NISCH: variants seen among roughly 807,000 people sequenced by gnomAD.
NISCH encodes nischarin, also known as I-1 receptor candidate protein.
NISCH carries 55 observed loss-of-function variants against 138.4 expected under a neutral mutation model. The ratio of observed to expected loss-of-function variants is 0.40; its 90% CI spans 0.32 to 0.50. The LOEUF is 0.50. Ranked by LOEUF, NISCH falls within the 20% of genes least tolerant of loss-of-function variation. The pLI, the probability that NISCH is intolerant of heterozygous loss-of-function variation, is 0.71. For synonymous variants in NISCH, 860 were observed against 861.5 expected, an observed-to-expected ratio of 1.00 and a Z score of 0.03; for missense variants, 1,643 against 2,005.5, an observed-to-expected ratio of 0.82 and a Z score of 3.45.
chr3:52,474,731 C>T (rs539468780), intron 7 of NISCH, among the ~76,000 whole-genome samples: 10 of 152,274 alleles, frequency 6.6e-5, no homozygotes, highest in African/African-American at 1.7e-4. Flanking sequence ...TTCAGCCGGC[C>T]GTCATTGGTT....
intron 14 of NISCH, 70 bp from the exon 15 acceptor site, chr3:52,485,708 T>C (rs1367659513): frequency 1.3e-6 from 2 of 1,518,492 alleles, no homozygotes; most frequent in Non-Finnish European, 1.8e-6. Flanking sequence ...CAGCTCAGGG[T>C]CTGGCAACCA....
chr3:52,459,270 C>T (rs917819844), intron 3 of NISCH, among the ~76,000 whole-genome samples: 22 of 152,128 alleles, frequency 1.4e-4, no homozygotes, highest in African/African-American at 5.1e-4. Context: ...TCAGGGTCCG[C>T]GCTGCCAGGG....
intron 13 of NISCH, 51 bp from the exon 14 acceptor site, chr3:52,484,462 T>TGGGCCCCCCCCCCCCCCCCCCCC: frequency 1.3e-6 from 1 of 788,670 alleles, no homozygotes; most frequent in Non-Finnish European, 1.8e-6. Context: ...ACAGCCGCTC[T>TGGGCCCCCCCCCCCCCCCCCCCC]CCCCGCCCCA....
chr3:52,485,726 G>C, intron 14 of NISCH, 52 bp from the exon 15 acceptor site: 1 of 1,548,656 alleles, frequency 6.5e-7, no homozygotes, highest in South Asian at 1.2e-5. Context: ...CCAGTAAATG[G>C]CTGGGGCTGG....
Position 52,457,886 on chromosome 3 carries a change from T to C in NISCH, c.137T>C (p.Val46Ala). Residue 46 changes from valine to alanine, a missense_variant, in exon 2 of 21, where the codon GTA (valine) becomes GCA (alanine). Coordinates refer to ENST00000345716, the MANE Select transcript of NISCH (RefSeq NM_007184.4). Reference protein sequence around the residue: ...QVTDGSHEWTVKHRYSDFHDL... With the variant: ...QVTDGSHEWTAKHRYSDFHDL... ...ACTGATGGCAGCCATGAGTGGACAG[T>C]AAAGCACCGCTACAGCGACTTCCAT... is the stretch of plus-strand genomic sequence containing the variant. 1.2e-6 allele frequency: 2 copies of C among 1,612,220 alleles called. No homozygotes were observed. The highest frequency in any genetic ancestry group is 1.7e-6 in the Non-Finnish European group (2 of 1,178,396).
chr3:52,485,732 G>A (rs761109079), intron 14 of NISCH, 46 bp from the exon 15 acceptor site: 6 of 1,552,914 alleles, frequency 3.9e-6, no homozygotes, highest in Non-Finnish European at 5.2e-6. Flanking sequence ...AATGGCTGGG[G>A]CTGGCTGCAG....
At chr3:52,480,884 C>T (rs1479460711) in intron 13 of NISCH, 2 of 1,535,078 alleles carry the variant, frequency 1.3e-6, no homozygotes, top group Admixed American at 2.0e-5. Context: ...CCCAGGCATC[C>T]TCGGAGATGA....
chr3:52,479,778 G>A lies in NISCH; in HGVS notation c.1332G>A (p.Glu444=), dbSNP rs1043755114. 3.1e-6 allele frequency: 5 copies of A among 1,613,762 alleles called. No individual in the cohort carries two copies. In the African/African-American group the frequency reaches 5.3e-5, roughly 17 times the overall value. Residue 444 remains glutamate, a synonymous_variant, in exon 12 of 21, where the codon GAG becomes GAA. Coordinates refer to ENST00000345716, the MANE Select transcript of NISCH (RefSeq NM_007184.4). ...GTCTGGATGACACAGTGACCACAGA[G>A]AAGGAGCTGGACACTGTGGAAGTGC... ...EVCLDDTVTT[E]KELDTVEVLK...
chr3:52,474,708 A>G (rs912264251), intron 7 of NISCH, among the ~76,000 whole-genome samples: 1 of 152,240 alleles, frequency 6.6e-6, no homozygotes, highest in African/African-American at 2.4e-5. Flanking sequence ...CTGGGATTAC[A>G]GGCATGAGCC....
At chr3:52,483,972 T>C (rs1578305957) in intron 13 of NISCH, among the ~76,000 whole-genome samples, 1 of 152,254 alleles carries the variant, frequency 6.6e-6, no homozygotes, top group Admixed American at 6.5e-5. Flanking sequence ...CACTTGTCTC[T>C]TGTTTCAGCT....
Position 52,488,385 on chromosome 3 carries a change from G to A in NISCH, c.2893G>A (p.Ala965Thr), listed in dbSNP as rs138562238. 18 of 1,613,648 alleles carry A rather than the reference G, an allele frequency of 1.1e-5. No individual in the cohort carries two copies. The highest frequency in any genetic ancestry group is 1.6e-4 in the Middle Eastern group (1 of 6,084). The change falls in exon 16 of 21, where the codon GCC (alanine) becomes ACC (threonine). Residue 965 changes from alanine (A) to threonine (T), a missense_variant. Physicochemically the swap from Ala to Thr is moderately conservative, Grantham distance 58. Coordinates refer to ENST00000345716, the MANE Select transcript of NISCH (RefSeq NM_007184.4). ...ACGCAGCTGTACCCAGCCTCGGGGC[G>A]CCTTTGCTGATGGCCACGTGCTAGA... ...PTRSCTQPRG[A>T]FADGHVLELL...
chr3:52,478,570 C>T lies in NISCH; in HGVS notation c.1295C>T (p.Ala432Val), dbSNP rs1052589614. The change falls in exon 11 of 21, where the codon GCC becomes GTC. Residue 432 changes from alanine (A) to valine (V), a missense_variant. Physicochemically the swap from Ala to Val is moderately conservative, Grantham distance 64. Transcript: ENST00000345716. The stretch of plus-strand genomic sequence containing the variant: ...GTGCTGGCTCAGTTCGGAGAGAGGG[C>T]CTCAGAGGTGAGCCCCAGCACAGTC... ...TKVLAQFGER[A>V]SEVCLDDTVT... 8.1e-6 allele frequency: 13 copies of T among 1,614,084 alleles called. No individual in the cohort carries two copies. Among genetic ancestry groups the T allele is most frequent in the Non-Finnish European group, 9.3e-6 (11 of 1,179,962 alleles).
intron 7 of NISCH, chr3:52,475,687 T>G (rs1005293539): frequency 6.6e-6 from 1 of 151,742 alleles, no homozygotes; most frequent in Non-Finnish European, 1.5e-5. Flanking sequence ...AGAAAAAAAT[T>G]TTTTAATTAG....
chr3:52,458,748 G>A lies in NISCH; in HGVS notation c.264G>A (p.Arg88=). 6.2e-7 allele frequency: 1 copy of A among 1,613,972 alleles called. No individual in the cohort carries two copies. The highest frequency in any genetic ancestry group is 8.5e-7 in the Non-Finnish European group (1 of 1,180,024). The part of the protein sequence containing the change: ...GKNSRSLVEK[R]EKDLEVYLQK... ...ACTCAAGAAGCTTGGTGGAGAAGAG[G>A]GAGAAGGATCTGGAGGTCTACCTCC... The change falls in exon 3 of 21, where the codon AGG becomes AGA. Residue 88 remains arginine (R), a synonymous_variant. Coordinates refer to ENST00000345716, the MANE Select transcript of NISCH (RefSeq NM_007184.4).
In NISCH at chr3:52,457,860, C is replaced by T. The variant is rs764746393; in HGVS notation, c.111C>T (p.Val37=). 2 of 1,611,886 alleles carry T rather than the reference C, an allele frequency of 1.2e-6. No homozygotes were observed. Among genetic ancestry groups the T allele is most frequent in the South Asian group, 2.2e-5 (2 of 91,012 alleles). ...VDTYTVYIIQ[V]TDGSHEWTVK... Reference sequence around the variant, plus strand: ...CCTTTTAGGTTTACATCATCCAGGTCACTGATGGCAGCCATGAGTGGACAG... The same window carrying T: ...CCTTTTAGGTTTACATCATCCAGGTTACTGATGGCAGCCATGAGTGGACAG... Residue 37 remains valine (V), a synonymous_variant, in exon 2 of 21, where the codon GTC becomes GTT. Transcript: ENST00000345716.
chr3:52,472,661 T>C (rs138463482), intron 6 of NISCH, among the ~76,000 whole-genome samples: 2 of 152,192 alleles, frequency 1.3e-5, no homozygotes, highest in Non-Finnish European at 2.9e-5. Context: ...TGGCTCATTC[T>C]AGGACTCCTC....
chr3:52,481,808 G>A (rs1707283399), intron 13 of NISCH: 2 of 985,522 alleles, frequency 2.0e-6, no homozygotes, highest in Non-Finnish European at 2.4e-6. Flanking sequence ...GTGCCCTGGG[G>A]ACACTCTGCA....
chr3:52,480,054 T>TA (rs1707223509), intron 12 of NISCH, 130 bp from the exon 13 acceptor site: 1 of 1,102,700 alleles, frequency 9.1e-7, no homozygotes, highest in Non-Finnish European at 1.4e-6. Context: ...GTTCCTGCTC[T>TA]AAGGATATGA....
intron 3 of NISCH, among the ~76,000 whole-genome samples, chr3:52,459,916 C>T (rs1274109677): frequency 2.0e-5 from 3 of 150,842 alleles, no homozygotes; most frequent in Admixed American, 6.6e-5. Flanking sequence ...TGCAGTGGCT[C>T]ATGCCTGTAA....
Sources: gnomAD v4.1 joint callset for allele counts (sites outside exome capture counted in the v4.1 genomes callset) on GRCh38, gnomAD v4.1.1 for gene constraint, MANE v1.5 for transcripts, NCBI Gene and HGNC (gene_info 2026-07-23, HGNC 2026-07-21) for gene names.